FMNL1: variants seen among roughly 807,000 people sequenced by gnomAD.
The protein encoded by FMNL1 is formin like 1, also known as formin-like protein 1.
Under a neutral mutation model 121.3 loss-of-function variants are expected in FMNL1, and 43 were observed. That is an observed-to-expected ratio of 0.35 (90% CI 0.28 to 0.46). The LOEUF (loss-of-function observed/expected upper bound fraction) is 0.46. Among genes scored for constraint, FMNL1 ranks in the 20% least tolerant of loss-of-function variants. The pLI, the probability that FMNL1 is intolerant of heterozygous loss-of-function variation, is 1.00. For synonymous variants in FMNL1, 613 were observed against 613.5 expected (o/e 1.00, Z 0.01); for missense variants, 1,191 against 1,482.4 (o/e 0.80, Z 3.23).
chr17:45,240,924 CCACCTCCCGCAT>C, intron 12 of FMNL1, 193 bp from the exon 13 acceptor site: 2 of 713,500 alleles, frequency 2.8e-6, no homozygotes, highest in Non-Finnish European at 4.6e-6. Context: ...TCCTCTCCCT[CCACCTCCCGCAT>C]CACTGGTACC....
In FMNL1 at chr17:45,237,169, T is replaced by A. The variant is rs1046471966; in HGVS notation, c.724-112T>A. The A allele has an allele frequency of 2.1e-6, 2 of 935,162 alleles. No homozygotes were observed. The highest frequency in any genetic ancestry group is 3.3e-6 in the Non-Finnish European group (2 of 600,444). The allele number at this position is 935,162 out of a possible 1,614,324, so 57.9% of individuals were successfully genotyped here. ...GTTTTGGTGGCCACAGAAGTTGCGG[T>A]TGGATACAAAGAACTTCCTAAACTC... is the stretch of plus-strand genomic sequence containing the variant. On this transcript the variant is annotated intron_variant, in intron 7 of 26. Transcript: ENST00000331495. The surrounding 1 kb of genome is among the most constrained non-coding windows in gnomAD (Gnocchi z 4.4).
At chr17:45,239,804 C>CTTTTTTT (rs113701881) in intron 11 of FMNL1, among the ~76,000 whole-genome samples, 1,664 of 146,870 alleles carry the variant, frequency 0.011, 43 homozygotes, top group African/African-American at 0.04. Context: ...TCTATGATTG[C>CTTTTTTT]TTTTTTTTTG....
At chr17:45,246,117 G>A in intron 24 of FMNL1, 93 bp from the exon 25 acceptor site, 2 of 1,543,448 alleles carry the variant, frequency 1.3e-6, no homozygotes, top group Non-Finnish European at 1.7e-6. Context: ...TTCTGCTCAA[G>A]CCAGCTGTCC....
chr17:45,245,084 C>T lies in FMNL1; in HGVS notation c.2704C>T (p.His902Tyr), dbSNP rs562693449. The change falls in exon 21 of 27, where the codon CAC becomes TAC. Residue 902 changes from histidine (H) to tyrosine (Y), a missense_variant. Coordinates refer to ENST00000331495, the MANE Select transcript of FMNL1 (RefSeq NM_005892.4). ...PQLTGFHSDL[H>Y]FLDKAGSVSL... ...ACTCACAGGCTTCCACAGCGACCTGCACTTCCTGGACAAGGCGGGCTCAGG... is the reference window on the plus strand; with the variant it reads ...ACTCACAGGCTTCCACAGCGACCTGTACTTCCTGGACAAGGCGGGCTCAGG... 8.3e-5 allele frequency: 134 copies of T among 1,614,174 alleles called. 2 individuals carry two copies. The South Asian group carries it at 1.2e-3, about 14-fold the overall frequency.
chr17:45,233,587 T>C lies in FMNL1; in HGVS notation c.402-61T>C. On this transcript the variant is annotated intron_variant, in intron 4 of 26. Transcript: ENST00000331495. The surrounding 1 kb of genome is among the most constrained non-coding windows in gnomAD (Gnocchi z 4.1). ...CCAGGGGTCCTTGCTGTCCCTGTTC[T>C]GTGCCCATGTGGGGCAGGACCTCCT... The C allele has an allele frequency of 6.3e-7, 1 of 1,589,938 alleles. No individual in the cohort carries two copies. Among genetic ancestry groups the C allele is most frequent in the Non-Finnish European group, 8.6e-7 (1 of 1,159,426 alleles).
At chr17:45,227,383 G>A (rs1330923675) in intron 1 of FMNL1, among the ~76,000 whole-genome samples, 1 of 152,116 alleles carries the variant, frequency 6.6e-6, no homozygotes, top group Non-Finnish European at 1.5e-5. Flanking sequence ...TTGGGGGCTG[G>A]TCTTAGGTGA....
At chr17:45,246,119 C>T (rs754495011) in intron 24 of FMNL1, 91 bp from the exon 25 acceptor site, 1 of 1,545,152 alleles carries the variant, frequency 6.5e-7, no homozygotes, top group Non-Finnish European at 8.7e-7. Flanking sequence ...CTGCTCAAGC[C>T]AGCTGTCCTT....
chr17:45,238,744 G>T, intron 10 of FMNL1, 106 bp downstream of exon 10: 1 of 1,417,138 alleles, frequency 7.1e-7, no homozygotes, highest in Non-Finnish European at 9.8e-7. Flanking sequence ...CCCGCAAAGC[G>T]TAAGGACTGA....
intron 23 of FMNL1, 68 bp from the exon 24 acceptor site, chr17:45,245,810 G>T (rs2143653826): frequency 6.2e-7 from 1 of 1,603,584 alleles, no homozygotes; most frequent in East Asian, 2.2e-5. Context: ...GGGTGGGGCT[G>T]CTTCTGTTTA....
At chr17:45,239,119 C>A in intron 11 of FMNL1, 54 bp downstream of exon 11, 1 of 1,450,584 alleles carries the variant, frequency 6.9e-7, no homozygotes, top group Non-Finnish European at 9.7e-7. Context: ...CAGAGTATGG[C>A]TGAGTGGTTA....
rs1567974144 is a variant in FMNL1, at chr17:45,245,664, A to C, written c.2925A>C (p.Gly975=). The C allele has an allele frequency of 6.2e-7, 1 of 1,614,094 alleles. No individual in the cohort carries two copies. The highest frequency in any genetic ancestry group is 8.5e-7 in the Non-Finnish European group (1 of 1,179,966). The change falls in exon 23 of 27, where the codon GGA becomes GGC. Residue 975 remains glycine (G), a synonymous_variant. Coordinates refer to ENST00000331495, the MANE Select transcript of FMNL1 (RefSeq NM_005892.4). ...TTGAGTCTGTGGTGGAGTACTTCGGAGAGAACCCCAAGACCACATCCCCAG... is the reference window on the plus strand; with the variant it reads ...TTGAGTCTGTGGTGGAGTACTTCGGCGAGAACCCCAAGACCACATCCCCAG... The part of the protein sequence containing the change: ...EAFESVVEYF[G]ENPKTTSPGL...
intron 19 of FMNL1, among the ~76,000 whole-genome samples, chr17:45,244,568 G>A (rs537827561): frequency 9.2e-5 from 14 of 152,340 alleles, no homozygotes; most frequent in African/African-American, 3.1e-4. Flanking sequence ...GGGGATGCTG[G>A]CAACAAGTTG....
Position 45,243,950 on chromosome 17 carries a change from C to T in FMNL1, c.2373C>T (p.Ile791=), listed in dbSNP as rs1234482561. 3 of 1,613,600 alleles carry T rather than the reference C, an allele frequency of 1.9e-6. No homozygotes were observed. Among genetic ancestry groups the T allele is most frequent in the African/African-American group, 1.3e-5 (1 of 75,078 alleles). The change falls in exon 18 of 27, where the codon ATC becomes ATT. Residue 791 remains isoleucine, a synonymous_variant. Transcript: ENST00000331495. ...GCTTCATGCTATGCTTCAGCCGCAT[C>T]CCGCGCCTGCCGGAGCGCATGACCA... ...EDRFMLCFSR[I]PRLPERMTTL...
intron 1 of FMNL1, among the ~76,000 whole-genome samples, chr17:45,229,741 C>T (rs541787885): frequency 3.3e-5 from 5 of 152,278 alleles, no homozygotes; most frequent in Non-Finnish European, 5.9e-5. Context: ...TAACCTGCTC[C>T]GTGGTGGCAG....
At chr17:45,242,183 G>C in intron 15 of FMNL1, 37 bp downstream of exon 15, 1 of 1,527,274 alleles carries the variant, frequency 6.5e-7, no homozygotes, top group Non-Finnish European at 8.8e-7. Context: ...CGGGGCTGGG[G>C]GGAGATGGAG....
intron 6 of FMNL1, 89 bp from the exon 7 acceptor site, chr17:45,236,047 G>A: frequency 1.9e-6 from 2 of 1,070,098 alleles, no homozygotes; most frequent in South Asian, 2.8e-5. Context: ...TTCCAGATGT[G>A]CCTCCTCTTA....
rs373793051 is a variant in FMNL1, at chr17:45,239,086, C to G, written c.1080+21C>G. 22 of 1,589,620 alleles carry G rather than the reference C, an allele frequency of 1.4e-5. No individual in the cohort carries two copies. The South Asian group carries it at 1.9e-4, about 14-fold the overall frequency. On this transcript the variant is annotated intron_variant, in intron 11 of 26. Coordinates refer to ENST00000331495, the MANE Select transcript of FMNL1 (RefSeq NM_005892.4). The stretch of plus-strand genomic sequence containing the variant: ...TGGAGGTAAGCCCTGTACTGCCCCC[C>G]AGACTGAACTGCCTGCCCACGGCAG...
At chr17:45,234,344 G>T (rs1304060614) in intron 6 of FMNL1, 144 bp downstream of exon 6, 2 of 1,386,492 alleles carry the variant, frequency 1.4e-6, no homozygotes, top group Non-Finnish European at 2.0e-6. Context: ...CTCATACAGA[G>T]TTTGGGACAC....
chr17:45,233,220 C>T lies in FMNL1; in HGVS notation c.328-4C>T. 1.3e-6 allele frequency: 2 copies of T among 1,554,988 alleles called. No individual in the cohort carries two copies. The highest frequency in any genetic ancestry group is 1.7e-6 in the Non-Finnish European group (2 of 1,149,034). On this transcript the variant is annotated splice_region_variant and splice_polypyrimidine_tract_variant and intron_variant, in intron 3 of 26. Coordinates refer to ENST00000331495, the MANE Select transcript of FMNL1 (RefSeq NM_005892.4). The surrounding 1 kb of genome is among the most constrained non-coding windows in gnomAD (Gnocchi z 4.1). ...CACCAGCCTTCCCTGTTCTCGGTCCCCAGTTTAAGAGGCGAGTTCAGGAGT... is the reference window on the plus strand; with the variant it reads ...CACCAGCCTTCCCTGTTCTCGGTCCTCAGTTTAAGAGGCGAGTTCAGGAGT...
Sources: gnomAD v4.1 joint callset for allele counts (sites outside exome capture counted in the v4.1 genomes callset) on GRCh38, gnomAD v4.1.1 for gene constraint, Gnocchi (gnomAD v3.1) non-coding constraint, MANE v1.5 for transcripts, NCBI Gene and HGNC (gene_info 2026-07-23, HGNC 2026-07-21) for gene names.